FOXN3: variants seen among roughly 807,000 people sequenced by gnomAD.
The protein encoded by FOXN3 is forkhead box protein N3.
A neutral mutation model predicts 38.4 loss-of-function variants in FOXN3; 7 were observed. The ratio of observed to expected loss-of-function variants is 0.18; its 90% CI spans 0.10 to 0.34. The LOEUF is 0.34. Ranked by LOEUF, FOXN3 falls within the 10% of genes least tolerant of loss-of-function variation. The pLI, the probability that FOXN3 is intolerant of heterozygous loss-of-function variation, is 1.00. For missense variants in FOXN3, 456 were observed against 613.4 expected, an observed-to-expected ratio of 0.74 and a Z score of 2.71; for synonymous variants, 230 against 242.2, an observed-to-expected ratio of 0.95 and a Z score of 0.47.
chr14:89,272,590 G>A (rs969128830), intron 4 of FOXN3, among the ~76,000 whole-genome samples: 3 of 152,090 alleles, frequency 2.0e-5, no homozygotes, highest in Admixed American at 6.5e-5. Flanking sequence ...GGTGGCTCAC[G>A]CCTGTAATCC....
chr14:89,603,557 A>T (rs1449318450), intron 1 of FOXN3, among the ~76,000 whole-genome samples: 1 of 152,206 alleles, frequency 6.6e-6, no homozygotes, highest in Non-Finnish European at 1.5e-5. Context: ...GTTTCGGGAT[A>T]TATTAATATT....
intron 4 of FOXN3, among the ~76,000 whole-genome samples, chr14:89,272,557 GAA>G (rs1043455104): frequency 4.6e-5 from 7 of 151,958 alleles, no homozygotes; most frequent in African/African-American, 1.4e-4. Flanking sequence ...ACTGACATTA[GAA>G]ACAAAAATTA....
chr14:89,226,241 T>C (rs1227096970), intron 4 of FOXN3, among the ~76,000 whole-genome samples: 2 of 146,678 alleles, frequency 1.4e-5, no homozygotes, highest in Admixed American at 1.3e-4. Flanking sequence ...GAGAGAAAGG[T>C]AGAGAGAGAG....
intron 3 of FOXN3, among the ~76,000 whole-genome samples, chr14:89,321,397 G>A (rs1316687029): frequency 6.6e-6 from 1 of 152,014 alleles, no homozygotes; most frequent in Admixed American, 6.6e-5. Flanking sequence ...CTAAAATGGT[G>A]AAAACCCGTC....
At chr14:89,406,238 T>C (rs572151376) in intron 2 of FOXN3, among the ~76,000 whole-genome samples, 107 of 151,624 alleles carry the variant, frequency 7.1e-4, no homozygotes, top group African/African-American at 2.5e-3. Context: ...TGAGCCACAG[T>C]GCGCAGCCCT....
intron 1 of FOXN3, among the ~76,000 whole-genome samples, chr14:89,551,439 C>G (rs1895003768): frequency 2.6e-5 from 4 of 152,018 alleles, no homozygotes; most frequent in Admixed American, 2.6e-4. Context: ...CTAACTAACA[C>G]TTCTCCTTCC....
chr14:89,490,896 C>A (rs577675824), intron 1 of FOXN3, among the ~76,000 whole-genome samples: 71 of 152,186 alleles, frequency 4.7e-4, no homozygotes, highest in Non-Finnish European at 9.0e-4. Flanking sequence ...CTAGGTATGG[C>A]GAATCCTACA....
chr14:89,546,758 C>T (rs182890835), intron 1 of FOXN3, among the ~76,000 whole-genome samples: 5 of 149,180 alleles, frequency 3.4e-5, no homozygotes, highest in African/African-American at 4.9e-5. Context: ...CATACACATA[C>T]GCATACACAT....
intron 4 of FOXN3, among the ~76,000 whole-genome samples, chr14:89,268,191 C>T (rs889940999): frequency 6.6e-6 from 1 of 152,202 alleles, no homozygotes; most frequent in Non-Finnish European, 1.5e-5. Context: ...TACCACCTAC[C>T]TCTCAAGAAG....
intron 4 of FOXN3, among the ~76,000 whole-genome samples, chr14:89,272,484 A>G (rs1886178652): frequency 6.6e-6 from 1 of 152,222 alleles, no homozygotes; most frequent in South Asian, 2.1e-4. Context: ...TCTATTTTCT[A>G]TAACAAAGAC....
At chr14:89,301,525 T>G (rs567271638) in intron 3 of FOXN3, among the ~76,000 whole-genome samples, 1 of 151,240 alleles carries the variant, frequency 6.6e-6, no homozygotes, top group African/African-American at 2.4e-5. Flanking sequence ...ATCCCAGCAC[T>G]TTGGGAGGCC....
At chr14:89,314,442 C>T (rs1887664423) in intron 3 of FOXN3, among the ~76,000 whole-genome samples, 1 of 151,998 alleles carries the variant, frequency 6.6e-6, no homozygotes, top group Non-Finnish European at 1.5e-5. Context: ...TTGTCAGCTT[C>T]ATTTCTTATC....
chr14:89,423,591 T>C (rs954693868), intron 1 of FOXN3, among the ~76,000 whole-genome samples: 2 of 151,974 alleles, frequency 1.3e-5, no homozygotes, highest in Admixed American at 1.3e-4. Context: ...AAATTATCAC[T>C]CTAATAAGAA....
intron 3 of FOXN3, among the ~76,000 whole-genome samples, chr14:89,329,116 C>T (rs1020679728): frequency 5.3e-5 from 8 of 152,154 alleles, no homozygotes; most frequent in African/African-American, 1.9e-4. Context: ...TGCAATTCTT[C>T]GGCAGCTGGA....
chr14:89,554,248 C>T (rs1168174928), intron 1 of FOXN3, among the ~76,000 whole-genome samples: 1 of 152,114 alleles, frequency 6.6e-6, no homozygotes, highest in Admixed American at 6.5e-5. Context: ...GATCCGCCTT[C>T]CTCGGCCTCC....
chr14:89,444,007 C>CAAAA (rs569571116), intron 1 of FOXN3, among the ~76,000 whole-genome samples: 7,904 of 67,406 alleles, frequency 0.12, 1,035 homozygotes, highest in Non-Finnish European at 0.16. Flanking sequence ...GAAACTCTGT[C>CAAAA]AAAAAAAAAA....
At position 89,222,108 on chromosome 14, in the gene FOXN3, G is replaced by A. The variant is rs914390408; in HGVS notation, c.746-41302C>T. On this transcript the variant is annotated intron_variant, in intron 4 of 5. Transcript: ENST00000557258. ...TGGGATTACAGGCGTGAGCCACCGC[G>A]CCCGGCCTACACAATCTTTTCTTGA... 6.6e-5 allele frequency among the ~76,000 whole-genome samples: 10 copies of A among 152,220 alleles called. No homozygotes were observed. The South Asian group carries it at 1.2e-3, about 19-fold the overall frequency.
chr14:89,461,965 T>C lies in FOXN3; in HGVS notation c.-14-49475A>G, dbSNP rs183826573. Among the ~76,000 whole-genome samples, 387 of 152,328 alleles carry C rather than the reference T, an allele frequency of 2.5e-3. 1 individual carries two copies. Among genetic ancestry groups the C allele is most frequent in the Middle Eastern group, 0.014 (4 of 294 alleles). ...AGTGCATACGACAGGCCCCTTCTTCTGTGAGCTTCCACTCCAGCTAGTAAA... is the reference window on the plus strand; with the variant it reads ...AGTGCATACGACAGGCCCCTTCTTCCGTGAGCTTCCACTCCAGCTAGTAAA... On this transcript the variant is annotated intron_variant, in intron 1 of 6. Coordinates refer to the FOXN3 transcript ENST00000345097.
At chr14:89,493,235 A>G (rs1285446164) in intron 1 of FOXN3, among the ~76,000 whole-genome samples, 1 of 152,234 alleles carries the variant, frequency 6.6e-6, no homozygotes, top group Non-Finnish European at 1.5e-5. Flanking sequence ...TAAATCGAAT[A>G]ATGGGCATAA....
Sources: gnomAD v4.1 joint callset for allele counts (sites outside exome capture counted in the v4.1 genomes callset) on GRCh38, gnomAD v4.1.1 for gene constraint, MANE v1.5 for transcripts, NCBI Gene and HGNC (gene_info 2026-07-23, HGNC 2026-07-21) for gene names.